The following UST variants were observed in gnomAD, a reference collection of about 807,000 sequenced individuals.
UST encodes uronyl 2-sulfotransferase, also known as chondroitin sulfate 2-O-sulfotransferase.
A neutral mutation model predicts 45.6 loss-of-function variants in UST; 21 were observed. The ratio of observed to expected loss-of-function variants is 0.46; its 90% CI spans 0.33 to 0.66. The LOEUF (loss-of-function observed/expected upper bound fraction) is 0.66. UST is among the 30% of genes least tolerant of loss of function. The probability of loss-of-function intolerance (pLI) is 0.02; values close to 1 mark genes in which losing one functional copy is unlikely to be tolerated. For synonymous variants in UST, 215 were observed against 200.6 expected, an observed-to-expected ratio of 1.07 and a Z score of -0.61; for missense variants, 463 against 512.4, an observed-to-expected ratio of 0.90 and a Z score of 0.93.
intron 1 of UST, among the ~76,000 whole-genome samples, chr6:148,791,873 C>T (rs1025307666): frequency 2.0e-5 from 3 of 152,086 alleles, no homozygotes; most frequent in Admixed American, 6.6e-5. Context: ...GATTGTTGAG[C>T]GAGTAAGTCA....
At chr6:148,971,022 T>TC (rs1780905755) in intron 5 of UST, among the ~76,000 whole-genome samples, 2 of 152,174 alleles carry the variant, frequency 1.3e-5, no homozygotes, top group Admixed American at 1.3e-4. Context: ...ACCTTCGACG[T>TC]CCATTATTTT....
chr6:148,877,650 T>G (rs1582871476), intron 1 of UST, among the ~76,000 whole-genome samples: 1 of 89,374 alleles, frequency 1.1e-5, no homozygotes. Context: ...TGTGGGGTCG[T>G]GTATGAGTGC....
At chr6:148,826,182 C>T (rs1033838277) in intron 1 of UST, among the ~76,000 whole-genome samples, 3 of 152,164 alleles carry the variant, frequency 2.0e-5, no homozygotes, top group Non-Finnish European at 2.9e-5. Context: ...GTGCAATCTC[C>T]ACCCACTGCA....
At chr6:148,859,949 T>G (rs999371904) in intron 1 of UST, among the ~76,000 whole-genome samples, 1 of 152,226 alleles carries the variant, frequency 6.6e-6, no homozygotes, top group African/African-American at 2.4e-5. Context: ...CTTTGTTCTT[T>G]TGGCTTAGGA....
At chr6:148,978,778 G>A (rs528164954) in intron 5 of UST, among the ~76,000 whole-genome samples, 2 of 152,162 alleles carry the variant, frequency 1.3e-5, no homozygotes, top group South Asian at 2.1e-4. Flanking sequence ...ACCATGGGAC[G>A]TGTATACCTG....
At chr6:148,757,836 A>T (rs1554288354) in intron 1 of UST, among the ~76,000 whole-genome samples, 2 of 152,252 alleles carry the variant, frequency 1.3e-5, no homozygotes, top group Non-Finnish European at 2.9e-5. Flanking sequence ...GGGCAGAAGC[A>T]TCAGGCAGTA....
intron 7 of UST, among the ~76,000 whole-genome samples, chr6:149,032,752 T>C (rs893116500): frequency 6.6e-6 from 1 of 152,212 alleles, no homozygotes; most frequent in Non-Finnish European, 1.5e-5. Context: ...CCTCTGTGTC[T>C]ACCCCAGTTA....
chr6:148,767,506 C>T (rs1363597757), intron 1 of UST, among the ~76,000 whole-genome samples: 3 of 152,162 alleles, frequency 2.0e-5, no homozygotes, highest in South Asian at 2.1e-4. Flanking sequence ...GTTGCAGATT[C>T]GGTACCGTTT....
intron 1 of UST, among the ~76,000 whole-genome samples, chr6:148,785,877 T>TA (rs908019910): frequency 3.3e-5 from 5 of 152,184 alleles, no homozygotes; most frequent in African/African-American, 7.2e-5. Context: ...CCCTTGCTTA[T>TA]AAAAAATGTA....
intron 7 of UST, among the ~76,000 whole-genome samples, chr6:149,048,905 A>G (rs1436294511): frequency 6.6e-6 from 1 of 152,248 alleles, no homozygotes; most frequent in Non-Finnish European, 1.5e-5. Context: ...ATGGCGCCTC[A>G]GGAGACTCCT....
chr6:148,966,148 C>T (rs559228576), intron 5 of UST, among the ~76,000 whole-genome samples: 6 of 151,782 alleles, frequency 4.0e-5, no homozygotes, highest in South Asian at 4.2e-4. Flanking sequence ...CCTTTGAATC[C>T]GGGAGGCAGA....
chr6:148,956,252 G>A (rs574022842), intron 4 of UST: 97 of 158,220 alleles, frequency 6.1e-4, no homozygotes, highest in African/African-American at 2.0e-3. Flanking sequence ...GTATTGGTCC[G>A]TTTTCATGCT....
At chr6:148,928,816 T>G (rs1009421279) in intron 2 of UST, among the ~76,000 whole-genome samples, 1 of 152,248 alleles carries the variant, frequency 6.6e-6, no homozygotes, top group African/African-American at 2.4e-5. Flanking sequence ...AAAAATACCT[T>G]ATGATTTCTG....
chr6:148,747,603 T>G lies in UST; in HGVS notation c.173T>G (p.Phe58Cys). 6.2e-7 allele frequency: 1 copy of G among 1,600,952 alleles called. No homozygotes were observed. The change falls in exon 1 of 8, where the codon TTC becomes TGC. Residue 58 changes from phenylalanine to cysteine, a missense_variant. Transcript: ENST00000367463. ...TTCTGCATGGCCACCCTGCTGGTCT[T>G]CTGCCTGGGCTCCCTCCTCTATCAG... ...YGFCMATLLV[F>C]CLGSLLYQLS...
chr6:149,023,658 C>T (rs1396875775), intron 7 of UST, among the ~76,000 whole-genome samples: 1 of 152,212 alleles, frequency 6.6e-6, no homozygotes, highest in Admixed American at 6.5e-5. Flanking sequence ...ATCCTGAGGT[C>T]TGGAACACAC....
intron 1 of UST, among the ~76,000 whole-genome samples, chr6:148,775,640 G>C (rs1049728830): frequency 1.6e-5 from 2 of 123,636 alleles, no homozygotes; most frequent in African/African-American, 5.8e-5. Flanking sequence ...TTTTTTTTTT[G>C]GGGCGGGGAG....
chr6:148,806,640 C>T (rs965391443), intron 1 of UST, among the ~76,000 whole-genome samples: 2 of 152,162 alleles, frequency 1.3e-5, no homozygotes, highest in Non-Finnish European at 2.9e-5. Context: ...CACCCGGCCC[C>T]CTATGCCTTT....
chr6:148,919,939 T>G (rs915806061), intron 2 of UST, among the ~76,000 whole-genome samples: 6 of 152,240 alleles, frequency 3.9e-5, no homozygotes, highest in African/African-American at 1.4e-4. Flanking sequence ...AGGAAACATT[T>G]TAATAAATTA....
chr6:148,759,950 T>TA (rs1048306977), intron 1 of UST, among the ~76,000 whole-genome samples: 3 of 151,976 alleles, frequency 2.0e-5, no homozygotes, highest in African/African-American at 7.3e-5. Context: ...TAGATCGTTC[T>TA]AAGATCTCTG....
Sources: gnomAD v4.1 joint callset for allele counts (sites outside exome capture counted in the v4.1 genomes callset) on GRCh38, gnomAD v4.1.1 for gene constraint, MANE v1.5 for transcripts, NCBI Gene and HGNC (gene_info 2026-07-23, HGNC 2026-07-21) for gene names.